CDKL3: variants seen among roughly 807,000 people sequenced by gnomAD.
The protein encoded by CDKL3 is cyclin dependent kinase like 3.
Under a neutral mutation model 69.3 loss-of-function variants are expected in CDKL3, and 65 were observed. The ratio of observed to expected loss-of-function variants is 0.94; its 90% confidence interval spans 0.77 to 1.15. CDKL3 has a LOEUF of 1.15. Among genes scored for constraint, CDKL3 ranks in the 50% most tolerant of loss-of-function variants. CDKL3 has a pLI of 0.00. For missense variants in CDKL3, 652 were observed against 689.2 expected, an observed-to-expected ratio of 0.95 and a Z score of 0.61; for synonymous variants, 202 against 221.6, an observed-to-expected ratio of 0.91 and a Z score of 0.79.
chr5:134,339,219 C>A (rs1033857993), intron 4 of CDKL3, among the ~76,000 whole-genome samples: 1 of 151,772 alleles, frequency 6.6e-6, no homozygotes, highest in South Asian at 2.1e-4. Context: ...ACAGATTAAC[C>A]AATCCAGCAA....
intron 2 of CDKL3, among the ~76,000 whole-genome samples, chr5:134,361,121 G>C: frequency 6.6e-6 from 1 of 152,250 alleles, no homozygotes; most frequent in Middle Eastern, 3.4e-3. Flanking sequence ...AAACAAATGA[G>C]ATTTAATATT....
chr5:134,344,918 A>T (rs2149577912), intron 4 of CDKL3, among the ~76,000 whole-genome samples: 1 of 152,142 alleles, frequency 6.6e-6, no homozygotes, highest in South Asian at 2.1e-4. Flanking sequence ...AAAAAAAATT[A>T]GCCGGGTGTG....
downstream of CDKL3, among the ~76,000 whole-genome samples, chr5:134,284,959 G>A (rs917070326): frequency 9.9e-5 from 15 of 152,236 alleles, no homozygotes; most frequent in African/African-American, 2.2e-4. Context: ...ACAAAGTCCC[G>A]AGGCGACATA....
In CDKL3 at chr5:134,356,781, C is replaced by T. The variant is rs907375375; in HGVS notation, c.360+3116G>A. Among the ~76,000 whole-genome samples, 4 of 152,036 alleles carry T rather than the reference C, an allele frequency of 2.6e-5. No homozygotes were observed. In the South Asian group the frequency reaches 8.3e-4, roughly 32 times the overall value. Reference sequence around the variant, plus strand: ...CCTGAGTGACAGAGTGAAACTCCATCTCAAAAATAAATAAATAAAATAAAA... The same window carrying T: ...CCTGAGTGACAGAGTGAAACTCCATTTCAAAAATAAATAAATAAAATAAAA... On this transcript the variant is annotated intron_variant, in intron 3 of 12. Transcript: ENST00000265334.
At chr5:134,333,960 G>A (rs1776426139) in intron 4 of CDKL3, among the ~76,000 whole-genome samples, 1 of 152,034 alleles carries the variant, frequency 6.6e-6, no homozygotes, top group Non-Finnish European at 1.5e-5. Context: ...TTGGTTGGTA[G>A]GCTATTAATT....
intron 3 of CDKL3, among the ~76,000 whole-genome samples, chr5:134,350,837 A>G (rs977837907): frequency 2.0e-5 from 3 of 149,014 alleles, no homozygotes; most frequent in Non-Finnish European, 4.4e-5. Context: ...AAAAGAAAAA[A>G]AAAAAAAGAA....
intron 4 of CDKL3, among the ~76,000 whole-genome samples, chr5:134,329,837 A>G (rs574262500): frequency 1.2e-3 from 186 of 152,128 alleles, no homozygotes; most frequent in African/African-American, 3.7e-3. Context: ...AAAGATAAAA[A>G]TTAAAATATA....
At chr5:134,362,776 A>G (rs1756362306) in intron 2 of CDKL3, among the ~76,000 whole-genome samples, 1 of 151,974 alleles carries the variant, frequency 6.6e-6, no homozygotes, top group South Asian at 2.1e-4. Context: ...TAAAAATACA[A>G]AAATTAGCTG....
At chr5:134,326,552 T>G (rs2078679432) in intron 4 of CDKL3, among the ~76,000 whole-genome samples, 1 of 151,436 alleles carries the variant, frequency 6.6e-6, no homozygotes, top group Non-Finnish European at 1.5e-5. Flanking sequence ...AAGGAAGGAT[T>G]AAAAAAAACA....
At chr5:134,337,977 C>A (rs980362540) in intron 4 of CDKL3, among the ~76,000 whole-genome samples, 1 of 152,018 alleles carries the variant, frequency 6.6e-6, no homozygotes, top group African/African-American at 2.4e-5. Flanking sequence ...TATGCATTTC[C>A]ATGAACTTTT....
At chr5:134,344,725 A>T (rs1277044833) in intron 4 of CDKL3, among the ~76,000 whole-genome samples, 4 of 152,116 alleles carry the variant, frequency 2.6e-5, no homozygotes, top group Non-Finnish European at 5.9e-5. Flanking sequence ...GGAATTCAAA[A>T]TCAGCCTAGT....
intron 2 of CDKL3, among the ~76,000 whole-genome samples, chr5:134,364,023 T>G (rs1756746850): frequency 6.7e-6 from 1 of 150,034 alleles, no homozygotes; most frequent in Non-Finnish European, 1.5e-5. Context: ...TCATATAGAC[T>G]TACAAAGAAA....
chr5:134,293,037 T>TTTTTTA (rs1765193328), intron 8 of CDKL3, among the ~76,000 whole-genome samples: 2 of 115,200 alleles, frequency 1.7e-5, no homozygotes, highest in Admixed American at 9.5e-5. Context: ...TTTTTTTTTT[T>TTTTTTA]GAGACGGAGT....
At chr5:134,369,771 T>C (rs542325346), upstream of CDKL3, among the ~76,000 whole-genome samples, 1 of 152,258 alleles carries the variant, frequency 6.6e-6, no homozygotes, top group East Asian at 1.9e-4. Flanking sequence ...TCTCCTATGT[T>C]GCCCAGGCTG....
intron 8 of CDKL3, among the ~76,000 whole-genome samples, chr5:134,293,002 CTTTTTTTTTTTTTTTTTT>C (rs558156596): frequency 9.1e-4 from 40 of 43,906 alleles, no homozygotes; most frequent in African/African-American, 1.2e-3. Context: ...CTGCCAATTT[CTTTTTTTTTTTTTTTTTT>C]TTTTTTTTTT....
intron 3 of CDKL3, among the ~76,000 whole-genome samples, chr5:134,351,399 T>C (rs1753273348): frequency 6.6e-6 from 1 of 152,166 alleles, no homozygotes; most frequent in Non-Finnish European, 1.5e-5. Context: ...CATCTCAATC[T>C]GATCAACTCT....
intron 4 of CDKL3, among the ~76,000 whole-genome samples, chr5:134,339,865 T>C (rs112994983): frequency 6.6e-6 from 1 of 152,296 alleles, no homozygotes; most frequent in African/African-American, 2.4e-5. Context: ...GAAAATACTT[T>C]GAGGCTGGGC....
intron 4 of CDKL3, among the ~76,000 whole-genome samples, chr5:134,322,810 T>C (rs939877003): frequency 2.6e-5 from 4 of 152,126 alleles, no homozygotes; most frequent in Non-Finnish European, 5.9e-5. Context: ...AAAAACCTCG[T>C]CTCTACTAAA....
chr5:134,344,827 G>T (rs113622666), intron 4 of CDKL3, among the ~76,000 whole-genome samples: 1 of 152,240 alleles, frequency 6.6e-6, no homozygotes, highest in African/African-American at 2.4e-5. Context: ...ACTTTGGGAG[G>T]CCGAGGCAGG....
Sources: gnomAD v4.1 joint callset for allele counts (sites outside exome capture counted in the v4.1 genomes callset) on GRCh38, gnomAD v4.1.1 for gene constraint, MANE v1.5 for transcripts, NCBI Gene and HGNC (gene_info 2026-07-23, HGNC 2026-07-21) for gene names.